Variants in MROH1 observed in about 807,000 individuals in gnomAD.
The protein encoded by MROH1 is maestro heat-like repeat-containing protein family member 1.
Under a neutral mutation model 116.5 loss-of-function variants are expected in MROH1, and 117 were observed. That is an observed-to-expected ratio of 1.00 (90% CI 0.86 to 1.17). The LOEUF is 1.17. Among genes scored for constraint, MROH1 ranks in the 50% most tolerant of loss-of-function variants. The probability of loss-of-function intolerance (pLI) is 0.00; values close to 1 mark genes in which losing one functional copy is unlikely to be tolerated. For synonymous variants in MROH1, 921 were observed against 583.9 expected (o/e 1.58, Z -8.32); for missense variants, 1,873 against 1,338.5 (o/e 1.40, Z -6.23).
intron 31 of MROH1, among the ~76,000 whole-genome samples, chr8:144,248,041 G>T (rs1421920454): frequency 2.6e-5 from 4 of 152,262 alleles, no homozygotes; most frequent in African/African-American, 9.6e-5. Context: ...TTCAGCGGCT[G>T]CCCTGTGTGG....
Position 144,156,708 on chromosome 8 carries a change from CAAAAAAAAAA to C in MROH1, c.-176-4249_-176-4240del. Among the ~76,000 whole-genome samples, 2 of 56,138 alleles carry C rather than the reference CAAAAAAAAAA, an allele frequency of 3.6e-5. 1 individual carries two copies. Among genetic ancestry groups the C allele is most frequent in the Admixed American group, 7.2e-4 (2 of 2,776 alleles). The allele number at this position is 56,138 out of a possible 152,430, so 36.8% of individuals were successfully genotyped here. On this transcript the variant is annotated intron_variant, in intron 1 of 43. Transcript: ENST00000326134. The stretch of plus-strand genomic sequence containing the variant: ...TGGGTGACAGAGCAAGACTCTGTCT[CAAAAAAAAAA>C]AAAAAAAAAAAAGAATTTGCACATC...
chr8:144,150,378 T>C lies in MROH1; in HGVS notation c.-177+2302T>C, dbSNP rs917129639. Among the ~76,000 whole-genome samples, 663 of 152,360 alleles carry C rather than the reference T, an allele frequency of 4.4e-3. 3 individuals carry two copies. Among genetic ancestry groups the C allele is most frequent in the Non-Finnish European group, 4.7e-3 (323 of 68,036 alleles). ...TTTGTTAATTTAACCAGAGCCCTGATTGGCATTTGTGTTTTTTTCTGACAT... is the reference window on the plus strand; with the variant it reads ...TTTGTTAATTTAACCAGAGCCCTGACTGGCATTTGTGTTTTTTTCTGACAT... On this transcript the variant is annotated intron_variant, in intron 1 of 43. Transcript: ENST00000326134.
rs1295759123 is a variant in MROH1 at position 144,261,017 on chromosome 8, C to T, written c.4647C>T (p.Phe1549=). Reference sequence around the variant, plus strand: ...GCCGAGCCCTGCACTTCGGGGAGTTCCTCAACACCACCTGCAAGCACCTGG... The same window carrying T: ...GCCGAGCCCTGCACTTCGGGGAGTTTCTCAACACCACCTGCAAGCACCTGG... ...QEGRALHFGE[F]LNTTCKHLMH... Residue 1549 remains phenylalanine (F), a synonymous_variant, in exon 41 of 44, where the codon TTC becomes TTT. Coordinates refer to ENST00000326134, the MANE Select transcript of MROH1 (RefSeq NM_032450.3). 1.3e-6 allele frequency: 1 copy of T among 775,526 alleles called. No homozygotes were observed. The highest frequency in any genetic ancestry group is 1.7e-5 in the Admixed American group (1 of 58,836). 48.0% of individuals were successfully genotyped at this position (775,526 alleles called of 1,614,324 possible). A position where few individuals can be genotyped will look rare whatever the true frequency, so the allele number is the denominator to read the frequency against.
Position 144,155,616 on chromosome 8 carries a change from C to T in MROH1, c.-176-5354C>T, listed in dbSNP as rs1394463259. Reference sequence around the variant, plus strand: ...AGGACCAACTGTATGATGTTAATTACAGGTTTTTCTTAGGTGTTTTTCTTT... The same window carrying T: ...AGGACCAACTGTATGATGTTAATTATAGGTTTTTCTTAGGTGTTTTTCTTT... On this transcript the variant is annotated intron_variant, in intron 1 of 43. Coordinates refer to ENST00000326134, the MANE Select transcript of MROH1 (RefSeq NM_032450.3). Among the ~76,000 whole-genome samples the T allele has an allele frequency of 2.7e-5, 4 of 150,318 alleles. No homozygotes were observed. The East Asian group carries it at 5.8e-4, about 22-fold the overall frequency.
Position 144,239,086 on chromosome 8 carries a change from G to T in MROH1, c.1498G>T (p.Ala500Ser). The change falls in exon 16 of 44, where the codon GCC (alanine) becomes TCC (serine). Residue 500 changes from alanine (A) to serine (S), a missense_variant. Coordinates refer to ENST00000326134, the MANE Select transcript of MROH1 (RefSeq NM_032450.3). ...CCTCACCCCTGTGCGCTTCACTGGG[G>T]CCCTGACTCCGCTCTGCAGGAGCCT... Reference protein sequence around the residue: ...QFLTPVRFTGALTPLCRSLVH... With the variant: ...QFLTPVRFTGSLTPLCRSLVH... 1.3e-6 allele frequency: 1 copy of T among 777,174 alleles called. No homozygotes were observed. Among genetic ancestry groups the T allele is most frequent in the Non-Finnish European group, 2.4e-6 (1 of 417,756 alleles). The allele number at this position is 777,174 out of a possible 1,614,324, so 48.1% of individuals were successfully genotyped here.
chr8:144,184,688 C>T (rs1826507424), intron 7 of MROH1, among the ~76,000 whole-genome samples: 1 of 152,186 alleles, frequency 6.6e-6, no homozygotes, highest in Non-Finnish European at 1.5e-5. Flanking sequence ...GGAGGGCAGC[C>T]CTGAGCTGGC....
Position 144,182,314 on chromosome 8 carries a change from GCCTGGC to G in MROH1, c.562+1793_562+1798del, listed in dbSNP as rs1270330294. Among the ~76,000 whole-genome samples, 4 of 152,220 alleles carry G rather than the reference GCCTGGC, an allele frequency of 2.6e-5. No homozygotes were observed. Among genetic ancestry groups the G allele is most frequent in the African/African-American group, 9.6e-5 (4 of 41,466 alleles). ...ACTCCCAGTGGTGGAGGCACGGCTG[GCCTGGC>G]CACGCCGTCCAGCAGGGCAGGCATC... On this transcript the variant is annotated intron_variant, in intron 7 of 43. Coordinates refer to ENST00000326134, the MANE Select transcript of MROH1 (RefSeq NM_032450.3). The surrounding 1 kb of genome is among the most constrained non-coding windows in gnomAD (Gnocchi z 4.1).
intron 14 of MROH1, among the ~76,000 whole-genome samples, chr8:144,227,216 G>A (rs901411857): frequency 1.3e-5 from 2 of 152,286 alleles, no homozygotes; most frequent in East Asian, 3.9e-4. Flanking sequence ...ATCTGGGTTA[G>A]CTTTTTTTGT....
chr8:144,230,654 TA>T (rs999737286), intron 14 of MROH1, among the ~76,000 whole-genome samples: 4 of 152,080 alleles, frequency 2.6e-5, no homozygotes, highest in Non-Finnish European at 5.9e-5. Context: ...GCTGACTTGG[TA>T]AAGTTAGTTA....
Position 144,248,870 on chromosome 8 carries a change from C to T in MROH1, c.3121-7C>T. 1.3e-6 allele frequency: 1 copy of T among 778,726 alleles called. No homozygotes were observed. The highest frequency in any genetic ancestry group is 2.4e-6 in the Non-Finnish European group (1 of 417,108). 48.2% of individuals were successfully genotyped at this position (778,726 alleles called of 1,614,324 possible). On this transcript the variant is annotated splice_polypyrimidine_tract_variant and splice_region_variant and intron_variant, in intron 31 of 43. Coordinates refer to ENST00000326134, the MANE Select transcript of MROH1 (RefSeq NM_032450.3). ...TCCCTCAACCTCTGGCATCGCCTTC[C>T]TCCTAGATTATTGCCAAGCGCCTCC...
chr8:144,256,896 C>T (rs1843943283), intron 35 of MROH1, among the ~76,000 whole-genome samples: 1 of 152,248 alleles, frequency 6.6e-6, no homozygotes, highest in South Asian at 2.1e-4. Context: ...GCCCCTGGTC[C>T]AGATGGGGCC....
rs1489587215 is a variant in MROH1, at chr8:144,247,324, G to A, written c.2895G>A (p.Leu965=). Residue 965 remains leucine, a synonymous_variant, in exon 30 of 44, where the codon CTG becomes CTA. Transcript: ENST00000326134. ...RVSALVPFHN[L]GLLIGLFSPR... is the part of the protein sequence containing the mutation. ...AGGCCCTGGTGCCCTTCCACAACCT[G>A]GGCCTTCTCATCGGCCTCTTCTCCC... 2.6e-6 allele frequency: 2 copies of A among 773,126 alleles called. No homozygotes were observed. The highest frequency in any genetic ancestry group is 3.4e-5 in the Admixed American group (2 of 58,630). The allele number at this position is 773,126 out of a possible 1,614,324, so 47.9% of individuals were successfully genotyped here.
rs562786387 is a variant in MROH1, at chr8:144,204,131, G to A, written c.1141+3590G>A. 2.9e-4 allele frequency among the ~76,000 whole-genome samples: 44 copies of A among 152,260 alleles called. 1 individual carries two copies. The South Asian group carries it at 9.1e-3, about 32-fold the overall frequency. On this transcript the variant is annotated intron_variant, in intron 12 of 43. Transcript: ENST00000326134. ...TGTGTCATTTTTTGTTTTGTTTTGA[G>A]ACAGGGTCTCGTTCTTTCACCCAGG...
At chr8:144,189,707 C>T (rs139244008) in intron 7 of MROH1, among the ~76,000 whole-genome samples, 3,937 of 152,326 alleles carry the variant, frequency 0.026, 75 homozygotes, top group Middle Eastern at 0.051. Flanking sequence ...GGTGCCCCTC[C>T]GCCCTGCCAT....
At position 144,213,684 on chromosome 8, in the gene MROH1, G is replaced by A. The variant is rs1242241114; in HGVS notation, c.1142-6916G>A. Among the ~76,000 whole-genome samples, 5 of 152,184 alleles carry A rather than the reference G, an allele frequency of 3.3e-5. No individual in the cohort carries two copies. The South Asian group carries it at 6.2e-4, about 19-fold the overall frequency. On this transcript the variant is annotated intron_variant, in intron 12 of 43. Coordinates refer to ENST00000326134, the MANE Select transcript of MROH1 (RefSeq NM_032450.3). ...TGTGCCTATAATCCCAGCTACTCAG[G>A]AGGCTGAGGCAGGAGGATCACTTGA...
chr8:144,257,855 G>A (rs892396119), intron 35 of MROH1, among the ~76,000 whole-genome samples: 22 of 152,388 alleles, frequency 1.4e-4, no homozygotes, highest in African/African-American at 5.3e-4. Context: ...TGGGGACAGA[G>A]GTCCAAAGGC....
rs1268914030 is a variant in MROH1 at position 144,239,069 on chromosome 8, C to T, written c.1481C>T (p.Pro494Leu). The T allele has an allele frequency of 2.6e-6, 2 of 778,024 alleles. No homozygotes were observed. Among genetic ancestry groups the T allele is most frequent in the Admixed American group, 3.4e-5 (2 of 59,042 alleles). The allele number at this position is 778,024 out of a possible 1,614,324, so 48.2% of individuals were successfully genotyped here. A position where few individuals can be genotyped will look rare whatever the true frequency, so the allele number is the denominator to read the frequency against. The change falls in exon 16 of 44, where the codon CCT becomes CTT. Residue 494 changes from proline (P) to leucine (L), a missense_variant. Physicochemically the swap from Pro to Leu is moderately conservative, Grantham distance 98. Coordinates refer to ENST00000326134, the MANE Select transcript of MROH1 (RefSeq NM_032450.3). ...CCATACCTGCTCCAGTTCCTCACCC[C>T]TGTGCGCTTCACTGGGGCCCTGACT... The part of the protein sequence containing the change: ...LWPYLLQFLT[P>L]VRFTGALTPL...
intron 5 of MROH1, 134 bp downstream of exon 5, chr8:144,179,720 G>A (rs1195919050): frequency 7.0e-6 from 8 of 1,149,504 alleles, no homozygotes; most frequent in South Asian, 1.5e-5. Context: ...GATGCCCTTC[G>A]GTCTCATGCA....
chr8:144,242,642 G>A lies in MROH1; in HGVS notation c.2352+14G>A. The A allele has an allele frequency of 5.1e-6, 4 of 779,280 alleles. No homozygotes were observed. The highest frequency in any genetic ancestry group is 9.6e-6 in the Non-Finnish European group (4 of 417,210). 48.3% of individuals were successfully genotyped at this position (779,280 alleles called of 1,614,324 possible). On this transcript the variant is annotated intron_variant, in intron 24 of 43. Coordinates refer to ENST00000326134, the MANE Select transcript of MROH1 (RefSeq NM_032450.3). ...GTAGAAACCAAGGTACAGTGTGTAG[G>A]AATTAAGTGCTGGACTGGCTTCTCT...
Sources: gnomAD v4.1 joint callset for allele counts (sites outside exome capture counted in the v4.1 genomes callset) on GRCh38, gnomAD v4.1.1 for gene constraint, Gnocchi (gnomAD v3.1) non-coding constraint, MANE v1.5 for transcripts, NCBI Gene and HGNC (gene_info 2026-07-23, HGNC 2026-07-21) for gene names.